The following CRYBG3 variants were observed in gnomAD, a reference collection of about 807,000 sequenced individuals.
The protein encoded by CRYBG3 is very large A-kinase anchor protein.
A neutral mutation model predicts 244.2 loss-of-function variants in CRYBG3; 127 were observed. That is an observed-to-expected ratio of 0.52 (90% CI 0.45 to 0.60). The LOEUF (loss-of-function observed/expected upper bound fraction) is 0.60. Ranked by LOEUF, CRYBG3 falls within the 20% of genes least tolerant of loss-of-function variation. The pLI is 0.00. For missense variants in CRYBG3, 3,325 were observed against 3,442.5 expected (o/e 0.97, Z 0.85); for synonymous variants, 1,132 against 1,195.8 (o/e 0.95, Z 1.10).
At position 97,876,059 on chromosome 3, in the gene CRYBG3, A is replaced by G; in HGVS notation, c.4865A>G (p.Tyr1622Cys). The G allele has an allele frequency of 2.4e-6, 3 of 1,232,134 alleles. No individual in the cohort carries two copies. Among genetic ancestry groups the G allele is most frequent in the Non-Finnish European group, 1.0e-6 (1 of 987,948 alleles). The allele number at this position is 1,232,134 out of a possible 1,614,324, so 76.3% of individuals were successfully genotyped here. The change falls in exon 4 of 22, where the codon TAT becomes TGT. Residue 1622 changes from tyrosine (Y) to cysteine (C), a missense_variant. Around this residue, in one of 4 missense-constraint regions of CRYBG3, gnomAD observed 635 missense variants for 771.7 expected, o/e 0.82. Transcript: ENST00000389622. ...GTCATTTTAGGAATGGAAAAAGCTTATAAGATGAAGGATACTGAAGGGGAT... is the reference window on the plus strand; with the variant it reads ...GTCATTTTAGGAATGGAAAAAGCTTGTAAGATGAAGGATACTGAAGGGGAT... ...SAVILGMEKA[Y>C]KMKDTEGDIG...
chr3:97,915,770 T>C, intron 17 of CRYBG3, 34 bp downstream of exon 17: 2 of 1,539,858 alleles, frequency 1.3e-6, no homozygotes, highest in Non-Finnish European at 8.9e-7. Flanking sequence ...CTTATAAGAT[T>C]CTTTTTCTTG....
chr3:97,941,651 A>C (rs548777359), intron 20 of CRYBG3, among the ~76,000 whole-genome samples: 1 of 151,940 alleles, frequency 6.6e-6, no homozygotes, highest in Non-Finnish European at 1.5e-5. Context: ...AAAATCAGCC[A>C]TCTCTGTGAT....
At chr3:97,923,669 C>T (rs1309874813) in intron 17 of CRYBG3, among the ~76,000 whole-genome samples, 1 of 151,932 alleles carries the variant, frequency 6.6e-6, no homozygotes, top group Non-Finnish European at 1.5e-5. Flanking sequence ...ATTATTAGGG[C>T]TAAAGCACAT....
intron 16 of CRYBG3, 62 bp from the exon 17 acceptor site, chr3:97,915,548 T>C: frequency 6.5e-7 from 1 of 1,532,944 alleles, no homozygotes; most frequent in Non-Finnish European, 8.9e-7. Flanking sequence ...CACAGCATGA[T>C]AATGAGCCTA....
At chr3:97,841,901 A>G (rs2038824850) in intron 1 of CRYBG3, among the ~76,000 whole-genome samples, 1 of 152,190 alleles carries the variant, frequency 6.6e-6, no homozygotes, top group Non-Finnish European at 1.5e-5. Context: ...TATTAAAAGC[A>G]AACAAATAAA....
chr3:97,921,383 T>C (rs375779183), intron 17 of CRYBG3, among the ~76,000 whole-genome samples: 76 of 152,282 alleles, frequency 5.0e-4, no homozygotes, highest in African/African-American at 1.7e-3. Context: ...GTCACTCTTA[T>C]GTCCCCTCTA....
chr3:97,915,829 C>A, intron 17 of CRYBG3, 93 bp downstream of exon 17: 9 of 1,011,968 alleles, frequency 8.9e-6, no homozygotes, highest in East Asian at 5.4e-5. Flanking sequence ...AGAAATGATA[C>A]AAGGAGAAAT....
At chr3:97,833,326 A>G (rs1421503563) in intron 1 of CRYBG3, among the ~76,000 whole-genome samples, 9 of 152,226 alleles carry the variant, frequency 5.9e-5, no homozygotes, top group South Asian at 2.1e-4. Context: ...ATGCCCATCA[A>G]TGATAGACTG....
intron 1 of CRYBG3, among the ~76,000 whole-genome samples, chr3:97,835,091 A>G (rs2038713435): frequency 6.6e-6 from 1 of 152,120 alleles, no homozygotes; most frequent in Non-Finnish European, 1.5e-5. Flanking sequence ...TCACTTAACA[A>G]TAGTGCTCTA....
rs372928117 is a variant in CRYBG3 at position 97,926,922 on chromosome 3, CACAA to C, written c.8242-6766_8242-6763del. 6.7e-3 allele frequency among the ~76,000 whole-genome samples: 1,011 copies of C among 151,990 alleles called. 10 individuals carry two copies. The highest frequency in any genetic ancestry group is 0.023 in the African/African-American group (966 of 41,496). On this transcript the variant is annotated intron_variant, in intron 17 of 21. Coordinates refer to ENST00000389622, the MANE Select transcript of CRYBG3 (RefSeq NM_153605.4). Reference sequence around the variant, plus strand: ...CACTGCTGAAAGAACTCAGAGACAACACAAACAAAGGGAAACACTCCATGCTCAT... The same window carrying C: ...CACTGCTGAAAGAACTCAGAGACAACACAAAGGGAAACACTCCATGCTCAT...
chr3:97,897,580 C>T (rs1194040960), intron 12 of CRYBG3, among the ~76,000 whole-genome samples: 2 of 151,992 alleles, frequency 1.3e-5, no homozygotes, highest in East Asian at 1.9e-4. Flanking sequence ...TCTCATAGGG[C>T]TTACCCTGGA....
chr3:97,916,661 A>G (rs955999190), intron 17 of CRYBG3, among the ~76,000 whole-genome samples: 1 of 152,184 alleles, frequency 6.6e-6, no homozygotes, highest in African/African-American at 2.4e-5. Flanking sequence ...GCTGACTCCA[A>G]GGATAATAGC....
At chr3:97,936,527 A>G (rs1309863754) in intron 18 of CRYBG3, among the ~76,000 whole-genome samples, 1 of 152,060 alleles carries the variant, frequency 6.6e-6, no homozygotes. Context: ...GAAATATAGG[A>G]TTTCAGAGAT....
At chr3:97,844,043 T>C (rs971834194) in intron 2 of CRYBG3, among the ~76,000 whole-genome samples, 1 of 152,212 alleles carries the variant, frequency 6.6e-6, no homozygotes, top group South Asian at 2.1e-4. Flanking sequence ...TGAAAAGTTA[T>C]TTCAATTCTT....
intron 17 of CRYBG3, among the ~76,000 whole-genome samples, chr3:97,918,110 T>C (rs1377807647): frequency 1.3e-5 from 2 of 152,214 alleles, no homozygotes; most frequent in Admixed American, 6.5e-5. Flanking sequence ...TATGAGGTAA[T>C]CCTTTGCTTT....
At chr3:97,854,327 A>G (rs564417011) in intron 2 of CRYBG3, among the ~76,000 whole-genome samples, 1 of 152,052 alleles carries the variant, frequency 6.6e-6, no homozygotes, top group African/African-American at 2.4e-5. Context: ...TGCTTTGGCT[A>G]TGTGGGCTCT....
At position 97,889,205 on chromosome 3, in the gene CRYBG3, A is replaced by G. The variant is rs539044694; in HGVS notation, c.7405-150A>G. 3 of 650,948 alleles carry G rather than the reference A, an allele frequency of 4.6e-6. No homozygotes were observed. The East Asian group carries it at 8.3e-5, about 18-fold the overall frequency. The allele number at this position is 650,948 out of a possible 1,614,324, so 40.3% of individuals were successfully genotyped here. ...GGCTACTATAGAGTTCTGTGCTTAA[A>G]GTTTAAAATTTAGCACAATTTGAAT... On this transcript the variant is annotated intron_variant, in intron 9 of 21. Coordinates refer to ENST00000389622, the MANE Select transcript of CRYBG3 (RefSeq NM_153605.4).
At chr3:97,943,088 G>C in intron 21 of CRYBG3, 138 bp from the exon 22 acceptor site, 2 of 605,740 alleles carry the variant, frequency 3.3e-6, no homozygotes, top group Admixed American at 6.2e-5. Flanking sequence ...TTCAAACTCA[G>C]CTTCCCATTT....
chr3:97,888,616 C>G (rs1029257035), intron 9 of CRYBG3, among the ~76,000 whole-genome samples, 161 bp downstream of exon 9: 2 of 152,154 alleles, frequency 1.3e-5, no homozygotes, highest in Admixed American at 1.3e-4. Flanking sequence ...TACAGTATTT[C>G]TTTTTTGTTA....
Sources: allele counts gnomAD v4.1 joint callset (sites outside exome capture counted in the v4.1 genomes callset), GRCh38; gene constraint gnomAD v4.1.1; regional missense constraint gnomAD v4.1.1; transcripts MANE v1.5; gene names NCBI Gene and HGNC (gene_info 2026-07-23, HGNC 2026-07-21).